CES4A: variants seen among roughly 807,000 people sequenced by gnomAD.
The protein encoded by CES4A is carboxylesterase 4A.
Under a neutral mutation model 65.4 loss-of-function variants are expected in CES4A, and 48 were observed. That is an observed-to-expected ratio of 0.73 (90% CI 0.58 to 0.93). The LOEUF is 0.93. Ranked by LOEUF, CES4A falls within the 40% of genes least tolerant of loss-of-function variation. CES4A has a pLI of 0.00. For synonymous variants in CES4A, 247 were observed against 281.8 expected, an observed-to-expected ratio of 0.88 and a Z score of 1.24; for missense variants, 685 against 728.5, an observed-to-expected ratio of 0.94 and a Z score of 0.69.
At position 67,000,518 on chromosome 16, in the gene CES4A, C is replaced by A; in HGVS notation, c.261-120C>A. 1.2e-5 allele frequency: 17 copies of A among 1,451,138 alleles called. No individual in the cohort carries two copies. The highest frequency in any genetic ancestry group is 1.5e-5 in the Non-Finnish European group (17 of 1,099,878). The allele number at this position is 1,451,138 out of a possible 1,614,324, so 89.9% of individuals were successfully genotyped here. On this transcript the variant is annotated intron_variant, in intron 2 of 13. Coordinates refer to ENST00000648724, the Ensembl canonical transcript of CES4A. This position sits in a 1 kb window ranked among gnomAD's most constrained non-coding sequence, Gnocchi z 4.2. Reference sequence around the variant, plus strand: ...CTGTACACGCACACGCACGCACATGCGCACGCACACGCACGCGCACAGACG... The same window carrying A: ...CTGTACACGCACACGCACGCACATGAGCACGCACACGCACGCGCACAGACG...
At chr16:67,006,308 G>C (rs1965753634) in intron 11 of CES4A, 83 bp from the exon 12 acceptor site, 1 of 1,456,754 alleles carries the variant, frequency 6.9e-7, no homozygotes, top group African/African-American at 1.4e-5. Flanking sequence ...CCTGCTTGGT[G>C]CAGGTGAGTG....
chr16:67,009,094 G>C, exon 14 of CES4A: 1 of 1,614,158 alleles, frequency 6.2e-7, no homozygotes, highest in Non-Finnish European at 8.5e-7. Context: ...TGGCTTTTTG[G>C]ATGAGTCTGT....
At chr16:66,994,788 G>A (rs1159317191) in intron 1 of CES4A, among the ~76,000 whole-genome samples, 8 of 149,468 alleles carry the variant, frequency 5.4e-5, no homozygotes, top group Non-Finnish European at 5.9e-5. Flanking sequence ...GCGGTGAGCC[G>A]AGATCACGCC....
Position 67,001,501 on chromosome 16 carries a change from C to A in CES4A, c.690+40C>A. On this transcript the variant is annotated intron_variant, in intron 5 of 13. Transcript: ENST00000648724. This position sits in a 1 kb window ranked among gnomAD's most constrained non-coding sequence, Gnocchi z 4.1. ...CAGACGGACCGAGCACAGACTTAGG[C>A]TCCTGCGTTCCCACAAATGTATGCT... 1 of 1,546,340 alleles carries A rather than the reference C, an allele frequency of 6.5e-7. No homozygotes were observed. Among genetic ancestry groups the A allele is most frequent in the South Asian group, 1.2e-5 (1 of 80,444 alleles).
intron 1 of CES4A, among the ~76,000 whole-genome samples, chr16:66,994,654 G>A (rs549366934): frequency 4.6e-5 from 7 of 151,368 alleles, no homozygotes; most frequent in South Asian, 2.1e-4. Context: ...ATCCTGGCTA[G>A]TACGGTGAAA....
Position 67,003,560 on chromosome 16 carries a change from A to C in CES4A, c.939+7A>C, listed in dbSNP as rs1290635328. ...CCAGAGAGACCCGGAAGAGGTAAAC[A>C]GGCCACATTCTGCAATTTGAGTATT... On this transcript the variant is annotated splice_region_variant and intron_variant, in intron 8 of 13. Coordinates refer to ENST00000648724, the Ensembl canonical transcript of CES4A. This position sits in a 1 kb window ranked among gnomAD's most constrained non-coding sequence, Gnocchi z 4.2. The C allele has an allele frequency of 6.2e-7, 1 of 1,609,820 alleles. No individual in the cohort carries two copies. Among genetic ancestry groups the C allele is most frequent in the East Asian group, 2.2e-5 (1 of 44,876 alleles).
At chr16:66,995,585 T>C (rs1230151090) in intron 1 of CES4A, 43 bp from the exon 2 acceptor site, 1 of 1,558,912 alleles carries the variant, frequency 6.4e-7, no homozygotes, top group East Asian at 2.2e-5. Flanking sequence ...CATTTGTGGC[T>C]GGGTGACTGA....
rs1253505279 is a variant in CES4A at position 66,994,721 on chromosome 16, T to C, written c.59-907T>C. 1.8e-4 allele frequency among the ~76,000 whole-genome samples: 27 copies of C among 150,220 alleles called. No homozygotes were observed. The East Asian group carries it at 5.1e-3, about 28-fold the overall frequency. On this transcript the variant is annotated intron_variant, in intron 1 of 13. Coordinates refer to ENST00000648724, the Ensembl canonical transcript of CES4A. ...AGGCATGGTGGTGCATGCCTATAAT[T>C]CCAGCTACTCGGGAGGCCGAGGCAG... is the stretch of plus-strand genomic sequence containing the variant.
chr16:67,001,320 C>G lies in CES4A; in HGVS notation c.549C>G (p.Ser183Arg), dbSNP rs748579480. 1 of 1,608,008 alleles carries G rather than the reference C, an allele frequency of 6.2e-7. No individual in the cohort carries two copies. Among genetic ancestry groups the G allele is most frequent in the East Asian group, 2.2e-5 (1 of 44,824 alleles). Residue 183 changes from serine to arginine, a missense_variant, in exon 5 of 14, where the codon AGC becomes AGG. Transcript: ENST00000648724. The surrounding 1 kb of genome is among the most constrained non-coding windows in gnomAD (Gnocchi z 4.1). ...CCCACACGCCCAGCACGGACGACAG[C>G]CACGCGCGCGGGAACTGGGGGCTGC...
Position 67,001,418 on chromosome 16 carries a change from CCCTGTTCGG to C in CES4A, c.650_658del (p.Leu217_Gly219del). The C allele has an allele frequency of 6.2e-7, 1 of 1,613,302 alleles. No individual in the cohort carries two copies. Among genetic ancestry groups the C allele is most frequent in the Non-Finnish European group, 8.5e-7 (1 of 1,179,662 alleles). ...TTCGGGGGAGACCCAGGAAATGTGA[CCCTGTTCGG>C]CCAGTCGGCGGGGGCCATGAGCATC... On this transcript the variant is annotated inframe_deletion, in exon 5 of 14. Coordinates refer to ENST00000648724, the Ensembl canonical transcript of CES4A. This position sits in a 1 kb window ranked among gnomAD's most constrained non-coding sequence, Gnocchi z 4.1.
intron 13 of CES4A, chr16:67,008,648 C>A (rs139024851): frequency 6.8e-5 from 15 of 221,980 alleles, no homozygotes; most frequent in Middle Eastern, 3.4e-3. Flanking sequence ...GATCCGCCCA[C>A]CTCAGCCTCC....
At chr16:67,007,068 C>T (rs187205127) in intron 13 of CES4A, 5 of 490,216 alleles carry the variant, frequency 1.0e-5, no homozygotes, top group Admixed American at 3.7e-5. Flanking sequence ...CACCACTGCA[C>T]TCTTTTGGGC....
rs775406145 is a variant in CES4A at position 67,003,216 on chromosome 16, G to A, written c.796-40G>A. ...CCCCAGGGCTCAGCATGGAAGGGCA[G>A]GATGGAAGCACCACTGAGCATCCTT... On this transcript the variant is annotated intron_variant, in intron 6 of 13. Transcript: ENST00000648724. This position sits in a 1 kb window ranked among gnomAD's most constrained non-coding sequence, Gnocchi z 4.2. 3 of 1,612,588 alleles carry A rather than the reference G, an allele frequency of 1.9e-6. No homozygotes were observed.
chr16:66,992,685 T>C (rs1240357547), intron 1 of CES4A, among the ~76,000 whole-genome samples: 2 of 152,130 alleles, frequency 1.3e-5, no homozygotes, highest in Non-Finnish European at 2.9e-5. Flanking sequence ...TTTGGTTTTT[T>C]GTTTGTTTGT....
At chr16:67,008,839 A>T in intron 13 of CES4A, 135 bp from the exon 14 acceptor site, 1 of 850,800 alleles carries the variant, frequency 1.2e-6, no homozygotes, top group South Asian at 1.6e-5. Context: ...ACTCTTTATT[A>T]AAGTTCTAAG....
At chr16:67,005,303 G>A (rs761849171) in exon 11 of CES4A, 3 of 1,614,060 alleles carry the variant, frequency 1.9e-6, no homozygotes, top group Non-Finnish European at 1.7e-6. Flanking sequence ...CAATGAGCAT[G>A]ACTGGAAGAT....
rs767140273 is a variant in CES4A at position 66,995,809 on chromosome 16, T to G, written c.240T>G (p.Asp80Glu). ...CGGAGCCCTGGAAAGGAATCAGAGA[T>G]GCTACCACCTACCCGCCTGGGTAAG... The change falls in exon 2 of 14, where the codon GAT (aspartate) becomes GAG (glutamate). Residue 80 changes from aspartate (D) to glutamate (E), a missense_variant. Transcript: ENST00000648724. 3 of 1,613,870 alleles carry G rather than the reference T, an allele frequency of 1.9e-6. No homozygotes were observed. In the South Asian group the frequency reaches 3.3e-5, roughly 18 times the overall value.
rs2145630406 is a variant in CES4A at position 67,001,229 on chromosome 16, G to C, written c.537-79G>C. On this transcript the variant is annotated intron_variant, in intron 4 of 13. Coordinates refer to ENST00000648724, the Ensembl canonical transcript of CES4A. The surrounding 1 kb of genome is among the most constrained non-coding windows in gnomAD (Gnocchi z 4.1). ...TTAGAGGGGCAAGGCTGGGCTGGGT[G>C]GGGGAAGCCCAGGAGGGCAGCCCAA... The C allele has an allele frequency of 6.8e-7, 1 of 1,468,446 alleles. No individual in the cohort carries two copies. Among genetic ancestry groups the C allele is most frequent in the Non-Finnish European group, 9.0e-7 (1 of 1,107,726 alleles). 91.0% of individuals were successfully genotyped at this position (1,468,446 alleles called of 1,614,324 possible).
rs1197699379 is a variant in CES4A, at chr16:67,000,116, T to C, written c.261-522T>C. 1.3e-5 allele frequency among the ~76,000 whole-genome samples: 2 copies of C among 152,128 alleles called. No individual in the cohort carries two copies. The highest frequency in any genetic ancestry group is 2.9e-5 in the Non-Finnish European group (2 of 68,034). On this transcript the variant is annotated intron_variant, in intron 2 of 13. Transcript: ENST00000648724. This position sits in a 1 kb window ranked among gnomAD's most constrained non-coding sequence, Gnocchi z 4.2. ...TGATTTGTTTGTTTTTATTGATATA[T>C]CATAGTTGTACATATTAGGGAAGAT...
Sources: gnomAD v4.1 joint callset for allele counts (sites outside exome capture counted in the v4.1 genomes callset) on GRCh38, gnomAD v4.1.1 for gene constraint, Gnocchi (gnomAD v3.1) non-coding constraint, MANE v1.5 for transcripts, NCBI Gene and HGNC (gene_info 2026-07-23, HGNC 2026-07-21) for gene names.